SIPA1L3: variants seen among roughly 807,000 people sequenced by gnomAD.
SIPA1L3 encodes the protein signal-induced proliferation-associated 1-like protein 3.
Under a neutral mutation model 150.1 loss-of-function variants are expected in SIPA1L3, and 59 were observed. The ratio of observed to expected loss-of-function variants is 0.39; its 90% confidence interval spans 0.32 to 0.49. The LOEUF (loss-of-function observed/expected upper bound fraction) is 0.49. Among genes scored for constraint, SIPA1L3 ranks in the 20% least tolerant of loss-of-function variants. The probability of loss-of-function intolerance (pLI) is 0.86; values close to 1 mark genes in which losing one functional copy is unlikely to be tolerated. For missense variants in SIPA1L3, 2,211 were observed against 2,489.5 expected (o/e 0.89, Z 2.38); for synonymous variants, 1,070 against 1,077.6 (o/e 0.99, Z 0.14).
At chr19:37,917,262 A>T (rs1472954348) in intron 1 of SIPA1L3, among the ~76,000 whole-genome samples, 3 of 152,186 alleles carry the variant, frequency 2.0e-5, no homozygotes, top group African/African-American at 7.2e-5. Flanking sequence ...ACCACATCGG[A>T]CAGCACTGGC....
intron 2 of SIPA1L3, among the ~76,000 whole-genome samples, chr19:38,052,287 CA>C (rs144741053): frequency 0.039 from 5,867 of 152,276 alleles, 164 homozygotes; most frequent in Non-Finnish European, 0.057. Flanking sequence ...GAATTCAATA[CA>C]GGGAATTTGG....
chr19:38,051,363 A>T (rs1620082), intron 2 of SIPA1L3, among the ~76,000 whole-genome samples: 61,628 of 151,950 alleles, frequency 0.41, 14,116 homozygotes, highest in African/African-American at 0.63. Flanking sequence ...CTTGGGTTTC[A>T]TCTTTTCGTC....
At chr19:37,917,371 G>A (rs1265887966) in intron 1 of SIPA1L3, among the ~76,000 whole-genome samples, 4 of 152,160 alleles carry the variant, frequency 2.6e-5, no homozygotes, top group Non-Finnish European at 5.9e-5. Flanking sequence ...GCAGATGTAT[G>A]ATGAAAAGCA....
chr19:38,164,828 G>A lies in SIPA1L3; in HGVS notation c.4130G>A (p.Arg1377Gln), dbSNP rs549014020. 25 of 1,608,698 alleles carry A rather than the reference G, an allele frequency of 1.6e-5. No individual in the cohort carries two copies. Among genetic ancestry groups the A allele is most frequent in the East Asian group, 4.5e-5 (2 of 44,776 alleles). The change falls in exon 15 of 22, where the codon CGA becomes CAA. Residue 1377 changes from arginine (R) to glutamine (Q), a missense_variant. Arg to Gln is a conservative substitution (Grantham distance 43, BLOSUM62 1). This residue lies in a region of SIPA1L3 where 806 missense variants were observed against 870.1 expected (regional missense o/e 0.93). Coordinates refer to ENST00000222345, the MANE Select transcript of SIPA1L3 (RefSeq NM_015073.3). The surrounding 1 kb of genome is among the most constrained non-coding windows in gnomAD (Gnocchi z 4.1). The part of the protein sequence containing the change: ...PAVAGQSKGY[R>Q]PKLYSSGSST... ...GTTGCCGGCCAAAGCAAGGGCTACC[G>A]ACCGAAGCTGTACTCCTCCGGCTCC...
intron 1 of SIPA1L3, among the ~76,000 whole-genome samples, chr19:38,025,954 A>G (rs2145710786): frequency 6.6e-6 from 1 of 152,260 alleles, no homozygotes; most frequent in East Asian, 1.9e-4. Context: ...TTTATTTTGT[A>G]CTTTGCTAAA....
chr19:38,031,378 G>A (rs181546436), intron 2 of SIPA1L3, among the ~76,000 whole-genome samples: 3 of 152,200 alleles, frequency 2.0e-5, no homozygotes, highest in Admixed American at 1.3e-4. Flanking sequence ...ATTGCATTTG[G>A]TTTTCTTGTC....
At position 38,081,396 on chromosome 19, in the gene SIPA1L3, G is replaced by C; in HGVS notation, c.-170G>C. ...GGTTGTCCTGGCTCAGCTGTGCACA[G>C]CGATGGTGGAGAACTGGACTCCACA... On this transcript the variant is annotated 5_prime_UTR_variant, in exon 3 of 22. Transcript: ENST00000222345. 1 of 637,346 alleles carries C rather than the reference G, an allele frequency of 1.6e-6. No individual in the cohort carries two copies. The highest frequency in any genetic ancestry group is 2.7e-6 in the Non-Finnish European group (1 of 374,730). 39.5% of individuals were successfully genotyped at this position (637,346 alleles called of 1,614,324 possible). A position where few individuals can be genotyped will look rare whatever the true frequency, so the allele number is the denominator to read the frequency against.
intron 16 of SIPA1L3, among the ~76,000 whole-genome samples, chr19:38,186,555 T>C (rs1420919616): frequency 6.6e-6 from 1 of 151,366 alleles, no homozygotes; most frequent in East Asian, 2.0e-4. Context: ...GGTTTCACCA[T>C]GTTGGTCAGG....
At chr19:37,916,520 G>GAA (rs887832813) in intron 1 of SIPA1L3, among the ~76,000 whole-genome samples, 1 of 143,566 alleles carries the variant, frequency 7.0e-6, no homozygotes, top group Non-Finnish European at 1.5e-5. Context: ...AAAAAAGACT[G>GAA]AAAGTATGGA....
intron 1 of SIPA1L3, among the ~76,000 whole-genome samples, chr19:37,971,401 G>A (rs1725481): frequency 9.2e-5 from 14 of 151,802 alleles, no homozygotes; most frequent in Non-Finnish European, 1.5e-4. Context: ...ACCCATTCCC[G>A]CTTCCCTGAT....
At chr19:38,123,407 C>T (rs893466173) in intron 9 of SIPA1L3, among the ~76,000 whole-genome samples, 5 of 149,606 alleles carry the variant, frequency 3.3e-5, no homozygotes, top group Admixed American at 2.7e-4. Context: ...GCAGAGGACC[C>T]TGCGGCCTTC....
At chr19:37,932,440 A>T (rs1179766741) in intron 1 of SIPA1L3, 1 of 125,524 alleles carries the variant, frequency 8.0e-6, no homozygotes, top group Non-Finnish European at 1.5e-5. Flanking sequence ...CTCCTGGGGA[A>T]CTCCGGTGGC....
intron 1 of SIPA1L3, among the ~76,000 whole-genome samples, chr19:38,025,553 G>A (rs1228841771): frequency 6.6e-6 from 1 of 152,220 alleles, no homozygotes; most frequent in Admixed American, 6.5e-5. Flanking sequence ...GTTCCTGGCT[G>A]AGAGAGACTT....
At chr19:37,930,273 A>G (rs2046542283) in intron 1 of SIPA1L3, among the ~76,000 whole-genome samples, 1 of 151,394 alleles carries the variant, frequency 6.6e-6, no homozygotes, top group African/African-American at 2.4e-5. Flanking sequence ...TGGCCTCCCA[A>G]AGTGCTGGGA....
rs563943620 is a variant in SIPA1L3, at chr19:38,157,175, A to T, written c.3661+4208A>T. Among the ~76,000 whole-genome samples, 26 of 152,146 alleles carry T rather than the reference A, an allele frequency of 1.7e-4. No individual in the cohort carries two copies. In the South Asian group the frequency reaches 3.9e-3, roughly 23 times the overall value. On this transcript the variant is annotated intron_variant, in intron 13 of 21. Transcript: ENST00000222345. ...ACCTGTCTCAATAAAATAAAAAAAT[A>T]AAAAAAAGTTGGTTCACTAAAGATG...
intron 1 of SIPA1L3, among the ~76,000 whole-genome samples, chr19:37,985,333 G>A (rs1298160316): frequency 6.6e-6 from 1 of 151,776 alleles, no homozygotes; most frequent in Non-Finnish European, 1.5e-5. Flanking sequence ...ATTGAGACTA[G>A]AGTCATGTGC....
rs1223330181 is a variant in SIPA1L3 at position 38,010,405 on chromosome 19, C to CA, written c.-378-18680dup. Among the ~76,000 whole-genome samples, 4 of 89,546 alleles carry CA rather than the reference C, an allele frequency of 4.5e-5. No individual in the cohort carries two copies. In the Admixed American group the frequency reaches 5.4e-4, roughly 12 times the overall value. 58.7% of individuals were successfully genotyped at this position (89,546 alleles called of 152,430 possible). ...CCAAGGTGACAGAGAACCTGTCTCT[C>CA]AAAATTAAAAAAAAAAAAAAAGGGT... On this transcript the variant is annotated intron_variant, in intron 1 of 21. Coordinates refer to ENST00000222345, the MANE Select transcript of SIPA1L3 (RefSeq NM_015073.3).
intron 1 of SIPA1L3, among the ~76,000 whole-genome samples, chr19:37,973,380 G>T (rs370929107): frequency 6.6e-6 from 1 of 151,662 alleles, no homozygotes; most frequent in East Asian, 1.9e-4. Flanking sequence ...TGGGTTACAG[G>T]CATCTGCCAC....
intron 12 of SIPA1L3, among the ~76,000 whole-genome samples, chr19:38,143,298 C>T (rs1468593363): frequency 1.3e-5 from 2 of 152,294 alleles, no homozygotes; most frequent in South Asian, 4.1e-4. Context: ...GCCCCCAGGT[C>T]CCTGTCTCAG....
Sources: allele counts gnomAD v4.1 joint callset (sites outside exome capture counted in the v4.1 genomes callset), GRCh38; gene constraint gnomAD v4.1.1; regional missense constraint gnomAD v4.1.1; non-coding constraint Gnocchi (gnomAD v3.1); transcripts MANE v1.5; gene names NCBI Gene and HGNC (gene_info 2026-07-23, HGNC 2026-07-21).